The following DYM variants were observed in gnomAD, a reference collection of about 807,000 sequenced individuals.
DYM encodes dymeclin.
In DYM, 78 loss-of-function variants were observed where a neutral mutation model predicts 93.1. The ratio of observed to expected loss-of-function variants is 0.84; its 90% CI spans 0.70 to 1.01. DYM has a LOEUF of 1.01. DYM is among the 50% of genes least tolerant of loss of function. DYM has a pLI of 0.00. For synonymous variants in DYM, 321 were observed against 319.7 expected (o/e 1.00, Z -0.04); for missense variants, 789 against 845.0 (o/e 0.93, Z 0.82).
At chr18:49,339,386 A>G (rs1014271094) in intron 6 of DYM, among the ~76,000 whole-genome samples, 7 of 152,230 alleles carry the variant, frequency 4.6e-5, no homozygotes, top group African/African-American at 7.2e-5. Context: ...GAATACAACA[A>G]AAGTGAGAGT....
chr18:49,246,733 C>T (rs2094178354), intron 13 of DYM, among the ~76,000 whole-genome samples: 1 of 152,174 alleles, frequency 6.6e-6, no homozygotes, highest in Admixed American at 6.5e-5. Context: ...ACACTGACAT[C>T]TGAGTTGGAG....
intron 17 of DYM, among the ~76,000 whole-genome samples, chr18:49,049,042 G>T (rs906894562): frequency 2.0e-5 from 3 of 152,072 alleles, no homozygotes; most frequent in African/African-American, 4.8e-5. Context: ...ACACAAAAAT[G>T]GTATAAAATA....
At chr18:49,221,952 A>G (rs2093376890) in intron 13 of DYM, among the ~76,000 whole-genome samples, 2 of 149,508 alleles carry the variant, frequency 1.3e-5, no homozygotes, top group East Asian at 2.0e-4. Flanking sequence ...AGCAACCTTT[A>G]TTTGGTCATT....
chr18:49,080,729 C>A lies in DYM; in HGVS notation c.2025+16673G>T, dbSNP rs1166727287. Among the ~76,000 whole-genome samples the A allele has an allele frequency of 8.2e-5, 12 of 146,482 alleles. 1 individual carries two copies. Among genetic ancestry groups the A allele is most frequent in the African/African-American group, 2.0e-4 (8 of 39,404 alleles). ...ACGGGGTGGCTGCCGGGCAGAGGGG[C>A]TCCTCACTTCTCAGACGGGGCAGCT... On this transcript the variant is annotated intron_variant, in intron 17 of 17. Transcript: ENST00000675505.
At chr18:49,115,562 G>C (rs763934233) in intron 16 of DYM, among the ~76,000 whole-genome samples, 1 of 152,216 alleles carries the variant, frequency 6.6e-6, no homozygotes, top group Non-Finnish European at 1.5e-5. Context: ...AGTTAGAACA[G>C]ATGGGATAGA....
chr18:49,333,669 G>A (rs2063468915), intron 7 of DYM, 59 bp downstream of exon 7: 1 of 1,553,342 alleles, frequency 6.4e-7, no homozygotes, highest in African/African-American at 1.4e-5. Context: ...AAAAGGACAA[G>A]ACTAGAAATA....
chr18:49,143,615 T>G (rs550010772), intron 15 of DYM, among the ~76,000 whole-genome samples: 1 of 152,284 alleles, frequency 6.6e-6, no homozygotes, highest in Admixed American at 6.5e-5. Context: ...TATAGTTCTT[T>G]CTGATTCCAA....
rs60818038 is a variant in DYM at position 49,097,513 on chromosome 18, C to G, written c.1914G>C (p.Val638=). The part of the protein sequence containing the change: ...FQDIMQNIDL[V]ISFFSSRLLQ... ...GCAACCTTGAGCTAAAGAAGGAGAT[C>G]ACCTGTAATGTAAAGTGTTATTTTT... The change falls in exon 17 of 18, where the codon GTG becomes GTC. Residue 638 remains valine, a splice_region_variant and synonymous_variant. Coordinates refer to ENST00000675505, the MANE Select transcript of DYM (RefSeq NM_001353214.3). 6.6e-3 allele frequency: 10,657 copies of G among 1,613,348 alleles called. 615 individuals are homozygous for G. In the African/African-American group the frequency reaches 0.13, roughly 19 times the overall value.
At chr18:49,418,970 A>G (rs2148309715) in intron 2 of DYM, among the ~76,000 whole-genome samples, 1 of 152,082 alleles carries the variant, frequency 6.6e-6, no homozygotes, top group Admixed American at 6.6e-5. Flanking sequence ...TTATAAATAT[A>G]CTCTCACAGA....
At chr18:49,183,543 T>C (rs2090129255) in intron 14 of DYM, among the ~76,000 whole-genome samples, 1 of 152,192 alleles carries the variant, frequency 6.6e-6, no homozygotes. Context: ...AAATGTAGCT[T>C]AGAAAAATAT....
chr18:49,271,852 G>T (rs1044822094), intron 11 of DYM, among the ~76,000 whole-genome samples: 1 of 151,814 alleles, frequency 6.6e-6, no homozygotes, highest in Non-Finnish European at 1.5e-5. Flanking sequence ...AATTCTGTAT[G>T]CATGAAGCAA....
intron 6 of DYM, among the ~76,000 whole-genome samples, chr18:49,356,746 A>G (rs2065604629): frequency 1.3e-5 from 2 of 152,178 alleles, no homozygotes; most frequent in Non-Finnish European, 2.9e-5. Flanking sequence ...AAATGTTTTC[A>G]GTACTCAAAT....
At chr18:49,069,077 C>T (rs1257026544) in intron 17 of DYM, among the ~76,000 whole-genome samples, 1 of 152,058 alleles carries the variant, frequency 6.6e-6, no homozygotes, top group Non-Finnish European at 1.5e-5. Flanking sequence ...CCTAGTTTAC[C>T]CTCATTTGAC....
At chr18:49,132,929 G>A (rs1204353139) in intron 15 of DYM, among the ~76,000 whole-genome samples, 1 of 152,070 alleles carries the variant, frequency 6.6e-6, no homozygotes, top group Non-Finnish European at 1.5e-5. Flanking sequence ...GGGGCTTCCT[G>A]ACAAACAACT....
At chr18:49,230,051 T>C (rs1039921191) in intron 13 of DYM, among the ~76,000 whole-genome samples, 6 of 152,074 alleles carry the variant, frequency 3.9e-5, no homozygotes, top group Non-Finnish European at 5.9e-5. Flanking sequence ...GGGGCTTGGG[T>C]AGTAAGAATG....
At chr18:49,288,111 T>C (rs1410659875) in intron 8 of DYM, among the ~76,000 whole-genome samples, 1 of 152,150 alleles carries the variant, frequency 6.6e-6, no homozygotes, top group Non-Finnish European at 1.5e-5. Context: ...ACTAGAAAAT[T>C]TAAAATTACA....
intron 13 of DYM, among the ~76,000 whole-genome samples, chr18:49,232,597 C>T (rs909354546): frequency 5.0e-5 from 7 of 138,790 alleles, no homozygotes; most frequent in South Asian, 2.3e-4. Context: ...CCACTGTGCC[C>T]GGCCTCTTTT....
rs184356182 is a variant in DYM, at chr18:49,212,237, G to A, written c.1461-2522C>T. Among the ~76,000 whole-genome samples, 482 of 152,264 alleles carry A rather than the reference G, an allele frequency of 3.2e-3. 4 individuals are homozygous for A. The highest frequency in any genetic ancestry group is 4.9e-3 in the Non-Finnish European group (335 of 68,014). ...TATATGTAACATGATTTTGGTATTA[G>A]ATTCCTGACTTGGAGGAGAAAAAAG... On this transcript the variant is annotated intron_variant, in intron 13 of 17. Transcript: ENST00000675505.
intron 14 of DYM, among the ~76,000 whole-genome samples, chr18:49,200,797 T>C (rs190372195): frequency 6.6e-6 from 1 of 152,280 alleles, no homozygotes; most frequent in African/African-American, 2.4e-5. Context: ...TATGTATACA[T>C]TGTGGAAATG....
Sources: allele counts gnomAD v4.1 joint callset (sites outside exome capture counted in the v4.1 genomes callset), GRCh38; gene constraint gnomAD v4.1.1; transcripts MANE v1.5; gene names NCBI Gene and HGNC (gene_info 2026-07-23, HGNC 2026-07-21).